SOX15: variants seen among roughly 807,000 people sequenced by gnomAD.
SOX15 encodes transcription factor SOX-15.
In SOX15, 12 loss-of-function variants were observed where a neutral mutation model predicts 15.9. The observed-to-expected ratio is 0.75, with a 90% CI of 0.48 to 1.22. The LOEUF (loss-of-function observed/expected upper bound fraction) is 1.22, where lower values mean the gene tolerates loss of function less well. Among genes scored for constraint, SOX15 ranks in the 50% most tolerant of loss-of-function variants. SOX15 has a pLI of 0.00. For missense variants in SOX15, 309 were observed against 313.9 expected, an observed-to-expected ratio of 0.98 and a Z score of 0.12; for synonymous variants, 149 against 142.8, an observed-to-expected ratio of 1.04 and a Z score of -0.31.
In SOX15 at chr17:7,588,506, G is replaced by C. The variant is rs141177956; in HGVS notation, c.574C>G (p.Leu192Val). The C allele has an allele frequency of 1.9e-6, 3 of 1,613,806 alleles. No homozygotes were observed. The highest frequency in any genetic ancestry group is 2.5e-6 in the Non-Finnish European group (3 of 1,179,976). Residue 192 changes from leucine to valine, a missense_variant, in exon 2 of 2, where the codon CTC (leucine) becomes GTC (valine). Leu to Val is a conservative substitution (Grantham distance 32). Coordinates refer to ENST00000250055, the MANE Select transcript of SOX15 (RefSeq NM_006942.2). ...TGGAGCCTAGGGTCACTCTGAGGGA[G>C]GGAGCACGGTGAGGGGGCTTCCAGT... ...CKLEAPSPCS[L>V]PQSDPRLQGE...
chr17:7,589,338 G>A lies in SOX15; in HGVS notation c.339C>T (p.Tyr113=). ...KRLRARHLRD[Y]PDYKYRPRRK... ...GCCGAGGCCGGTACTTGTAGTCGGGGTAGTCGCGCAGGTGTCGGGCGCGGA... is the reference window on the plus strand; with the variant it reads ...GCCGAGGCCGGTACTTGTAGTCGGGATAGTCGCGCAGGTGTCGGGCGCGGA... Residue 113 remains tyrosine, a synonymous_variant, in exon 1 of 2, where the codon TAC becomes TAT. Coordinates refer to ENST00000250055, the MANE Select transcript of SOX15 (RefSeq NM_006942.2). The A allele has an allele frequency of 6.2e-7, 1 of 1,608,516 alleles. No homozygotes were observed. Among genetic ancestry groups the A allele is most frequent in the Non-Finnish European group, 8.5e-7 (1 of 1,177,246 alleles).
rs376300298 is a variant in SOX15 at position 7,588,399 on chromosome 17, G to A, written c.681C>T (p.Pro227=). The A allele has an allele frequency of 1.2e-6, 2 of 1,613,148 alleles. No homozygotes were observed. The highest frequency in any genetic ancestry group is 8.5e-7 in the Non-Finnish European group (1 of 1,179,512). Reference sequence around the variant, plus strand: ...AGGGTTAGAGGTGGGTTAGGGGCATGGGGGCACCAGCAAGGGGAGGGTTGT... The same window carrying A: ...AGGGTTAGAGGTGGGTTAGGGGCATAGGGGCACCAGCAAGGGGAGGGTTGT... ...TPYNPPLAGA[P]MPLTHL Residue 227 remains proline, a synonymous_variant, in exon 2 of 2, where the codon CCC becomes CCT. Coordinates refer to ENST00000250055, the MANE Select transcript of SOX15 (RefSeq NM_006942.2).
In SOX15 at chr17:7,589,966, C is replaced by T. The variant is rs996370498; in HGVS notation, c.-290G>A. 2 of 457,488 alleles carry T rather than the reference C, an allele frequency of 4.4e-6. No individual in the cohort carries two copies. Among genetic ancestry groups the T allele is most frequent in the Non-Finnish European group, 7.7e-6 (2 of 258,124 alleles). 28.3% of individuals were successfully genotyped at this position (457,488 alleles called of 1,614,324 possible). ...GGACCCCCGGTCCCTCTCCCCGACCCGCAGCTGCGATCAGACCGACCTTCC... is the reference window on the plus strand; with the variant it reads ...GGACCCCCGGTCCCTCTCCCCGACCTGCAGCTGCGATCAGACCGACCTTCC... On this transcript the variant is annotated 5_prime_UTR_variant, in exon 1 of 2. Transcript: ENST00000250055.
chr17:7,588,909 C>T, intron 1 of SOX15: 1 of 591,212 alleles, frequency 1.7e-6, no homozygotes, highest in Non-Finnish European at 3.0e-6. Flanking sequence ...AGGGGTCAGT[C>T]ACCTGACCCT....
Position 7,589,522 on chromosome 17 carries a change from G to T in SOX15, c.155C>A (p.Pro52Gln). The change falls in exon 1 of 2, where the codon CCG becomes CAG. Residue 52 changes from proline (P) to glutamine (Q), a missense_variant. Coordinates refer to ENST00000250055, the MANE Select transcript of SOX15 (RefSeq NM_006942.2). The part of the protein sequence containing the change: ...GTLPLEKVKR[P>Q]MNAFMVWSSA... ...GCTCCACACCATGAACGCGTTCATC[G>T]GCCGCTTCACCTTCTCCAGGGGCAG... 2 of 1,611,452 alleles carry T rather than the reference G, an allele frequency of 1.2e-6. No individual in the cohort carries two copies. Among genetic ancestry groups the T allele is most frequent in the Non-Finnish European group, 1.7e-6 (2 of 1,179,222 alleles).
At position 7,588,511 on chromosome 17, in the gene SOX15, C is replaced by G. The variant is rs200558440; in HGVS notation, c.569G>C (p.Cys190Ser). Residue 190 changes from cysteine (C) to serine (S), a missense_variant, in exon 2 of 2, where the codon TGC (cysteine) becomes TCC (serine). Transcript: ENST00000250055. ...SHCKLEAPSP[C>S]SLPQSDPRLQ... ...CCTAGGGTCACTCTGAGGGAGGGAG[C>G]ACGGTGAGGGGGCTTCCAGTTTGCA... 5.2e-5 allele frequency: 84 copies of G among 1,613,656 alleles called. No individual in the cohort carries two copies. The African/African-American group carries it at 9.6e-4, about 18-fold the overall frequency.
rs199521455 is a variant in SOX15 at position 7,588,350 on chromosome 17, C to G, written c.*28G>C. On this transcript the variant is annotated 3_prime_UTR_variant, in exon 2 of 2. Coordinates refer to ENST00000250055, the MANE Select transcript of SOX15 (RefSeq NM_006942.2). Reference sequence around the variant, plus strand: ...TGGATTAAAAAAGGAGGATGAGGCCCGTCCCGTGAGGTCTGCGTCCATGAG... The same window carrying G: ...TGGATTAAAAAAGGAGGATGAGGCCGGTCCCGTGAGGTCTGCGTCCATGAG... 9 of 1,609,428 alleles carry G rather than the reference C, an allele frequency of 5.6e-6. No homozygotes were observed. The highest frequency in any genetic ancestry group is 1.6e-4 in the Middle Eastern group (1 of 6,072).
At position 7,588,565 on chromosome 17, in the gene SOX15, G is replaced by A; in HGVS notation, c.534-19C>T. On this transcript the variant is annotated intron_variant, in intron 1 of 1. Coordinates refer to ENST00000250055, the MANE Select transcript of SOX15 (RefSeq NM_006942.2). ...GGAAGAGCTGCAGAGAGAAACAAGA[G>A]GTTAGAGGGCACTTCCCTGGGTTGG... 1 of 1,611,684 alleles carries A rather than the reference G, an allele frequency of 6.2e-7. No homozygotes were observed. The highest frequency in any genetic ancestry group is 1.3e-5 in the African/African-American group (1 of 74,972).
In SOX15 at chr17:7,588,976, C is replaced by T. The variant is rs1015520737; in HGVS notation, c.533+168G>A. 2.7e-5 allele frequency: 17 copies of T among 631,888 alleles called. No homozygotes were observed. In the African/African-American group the frequency reaches 2.9e-4, roughly 11 times the overall value. The allele number at this position is 631,888 out of a possible 1,614,324, so 39.1% of individuals were successfully genotyped here. A position where few individuals can be genotyped will look rare whatever the true frequency, so the allele number is the denominator to read the frequency against. Reference sequence around the variant, plus strand: ...AACGCCCTCTGGGAGAACCCTGATCCGCCCCACCCTACACAGGCCCCGGAG... The same window carrying T: ...AACGCCCTCTGGGAGAACCCTGATCTGCCCCACCCTACACAGGCCCCGGAG... On this transcript the variant is annotated intron_variant, in intron 1 of 1. Transcript: ENST00000250055.
At position 7,588,207 on chromosome 17, in the gene SOX15, CAA is replaced by C. The variant is rs2071617891; in HGVS notation, c.*169_*170del. ...ATAATACAAAACTGTTTAATACTAC[CAA>C]AAATATAATTGTATGTTGTGCGGCT... On this transcript the variant is annotated 3_prime_UTR_variant, in exon 2 of 2. Coordinates refer to ENST00000250055, the MANE Select transcript of SOX15 (RefSeq NM_006942.2). 4 of 779,228 alleles carry C rather than the reference CAA, an allele frequency of 5.1e-6. No individual in the cohort carries two copies. Among genetic ancestry groups the C allele is most frequent in the Middle Eastern group, 2.3e-4 (1 of 4,388 alleles). 48.3% of individuals were successfully genotyped at this position (779,228 alleles called of 1,614,324 possible).
At position 7,588,499 on chromosome 17, in the gene SOX15, T is replaced by C. The variant is rs145995572; in HGVS notation, c.581A>G (p.Gln194Arg). The change falls in exon 2 of 2, where the codon CAG becomes CGG. Residue 194 changes from glutamine to arginine, a missense_variant. By Grantham distance (43) the Gln-to-Arg change is conservative. Transcript: ENST00000250055. ...TTCCCCCTGGAGCCTAGGGTCACTC[T>C]GAGGGAGGGAGCACGGTGAGGGGGC... ...LEAPSPCSLP[Q>R]SDPRLQGELL... 2 of 1,613,828 alleles carry C rather than the reference T, an allele frequency of 1.2e-6. No individual in the cohort carries two copies. The highest frequency in any genetic ancestry group is 1.7e-6 in the Non-Finnish European group (2 of 1,179,946).
In SOX15 at chr17:7,588,307, T is replaced by TG; in HGVS notation, c.*70dup. The stretch of plus-strand genomic sequence containing the variant: ...CCAACAGGAGAAAGGGTTGACAGCC[T>TG]GGGGTAGGGGATGCTGCTGGATTAA... On this transcript the variant is annotated 3_prime_UTR_variant, in exon 2 of 2. Coordinates refer to ENST00000250055, the MANE Select transcript of SOX15 (RefSeq NM_006942.2). 6.8e-7 allele frequency: 1 copy of TG among 1,477,212 alleles called. No individual in the cohort carries two copies. The highest frequency in any genetic ancestry group is 9.5e-7 in the Non-Finnish European group (1 of 1,055,196). The allele number at this position is 1,477,212 out of a possible 1,614,324, so 91.5% of individuals were successfully genotyped here. A position where few individuals can be genotyped will look rare whatever the true frequency, so the allele number is the denominator to read the frequency against.
chr17:7,589,182 G>A lies in SOX15; in HGVS notation c.495C>T (p.Pro165=). Residue 165 remains proline (P), a synonymous_variant, in exon 1 of 2, where the codon CCC becomes CCT. Transcript: ENST00000250055. The part of the protein sequence containing the change: ...TQPSRGFGYR[P]PSYSTAYLPG... ...GCAGGTAGGCTGTCGAGTAGCTGGG[G>A]GGTCTGTACCCAAAGCCTCTGCTCG... The A allele has an allele frequency of 5.3e-6, 8 of 1,520,506 alleles. No individual in the cohort carries two copies. The highest frequency in any genetic ancestry group is 7.1e-6 in the Non-Finnish European group (8 of 1,130,156). The allele number at this position is 1,520,506 out of a possible 1,614,324, so 94.2% of individuals were successfully genotyped here.
At position 7,589,329 on chromosome 17, in the gene SOX15, G is replaced by C; in HGVS notation, c.348C>G (p.Tyr116Ter). Residue 116 changes from tyrosine to a stop codon, truncating the protein, a stop_gained, in exon 1 of 2, where the codon TAC becomes TAG. Transcript: ENST00000250055. LOFTEE classifies it high-confidence loss of function. Reference protein sequence around the residue: ...RARHLRDYPDYKYRPRRKAKS... With the variant: ...RARHLRDYPD ...TGGCCTTGCGCCGAGGCCGGTACTTGTAGTCGGGGTAGTCGCGCAGGTGTC... is the reference window on the plus strand; with the variant it reads ...TGGCCTTGCGCCGAGGCCGGTACTTCTAGTCGGGGTAGTCGCGCAGGTGTC... The C allele has an allele frequency of 6.2e-7, 1 of 1,605,766 alleles. No homozygotes were observed. Among genetic ancestry groups the C allele is most frequent in the Non-Finnish European group, 8.5e-7 (1 of 1,176,030 alleles).
intron 1 of SOX15, 114 bp downstream of exon 1, chr17:7,589,030 G>A (rs2071628369): frequency 6.0e-6 from 6 of 1,007,330 alleles, no homozygotes; most frequent in East Asian, 5.5e-5. Context: ...CCACACCTTG[G>A]CCGCGAGTGG....
chr17:7,588,658 C>A, intron 1 of SOX15, 112 bp from the exon 2 acceptor site: 3 of 1,193,754 alleles, frequency 2.5e-6, no homozygotes, highest in Non-Finnish European at 3.7e-6. Context: ...GGCTACCCAG[C>A]CCGCTGGGCG....
Position 7,588,550 on chromosome 17 carries a change from CAG to C in SOX15, c.534-6_534-5del. 1 of 1,612,522 alleles carries C rather than the reference CAG, an allele frequency of 6.2e-7. No individual in the cohort carries two copies. Among genetic ancestry groups the C allele is most frequent in the Non-Finnish European group, 8.5e-7 (1 of 1,179,884 alleles). On this transcript the variant is annotated splice_region_variant and splice_polypyrimidine_tract_variant and intron_variant, in intron 1 of 1. Transcript: ENST00000250055. ...TTCCAGTTTGCAGTGGGAAGAGCTGCAGAGAGAAACAAGAGGTTAGAGGGCAC... is the reference window on the plus strand; with the variant it reads ...TTCCAGTTTGCAGTGGGAAGAGCTGCAGAGAAACAAGAGGTTAGAGGGCAC...
At chr17:7,588,657 G>T (rs1015976219) in intron 1 of SOX15, 111 bp from the exon 2 acceptor site, 39 of 1,192,842 alleles carry the variant, frequency 3.3e-5, no homozygotes, top group Non-Finnish European at 4.7e-5. Context: ...TGGCTACCCA[G>T]CCCGCTGGGC....
Position 7,589,524 on chromosome 17 carries a change from C to T in SOX15, c.153G>A (p.Arg51=). The T allele has an allele frequency of 6.2e-7, 1 of 1,611,428 alleles. No individual in the cohort carries two copies. The highest frequency in any genetic ancestry group is 1.3e-5 in the African/African-American group (1 of 74,998). Residue 51 remains arginine (R), a synonymous_variant, in exon 1 of 2, where the codon CGG becomes CGA. Coordinates refer to ENST00000250055, the MANE Select transcript of SOX15 (RefSeq NM_006942.2). The stretch of plus-strand genomic sequence containing the variant: ...TCCACACCATGAACGCGTTCATCGG[C>T]CGCTTCACCTTCTCCAGGGGCAGCG... The part of the protein sequence containing the change: ...PGTLPLEKVK[R]PMNAFMVWSS...
Sources: allele counts gnomAD v4.1 joint callset, GRCh38; gene constraint gnomAD v4.1.1; transcripts MANE v1.5; gene names NCBI Gene and HGNC (gene_info 2026-07-23, HGNC 2026-07-21).